SUGCT: variants seen among roughly 807,000 people sequenced by gnomAD.
The protein encoded by SUGCT is succinyl-CoA:glutarate-CoA transferase.
In SUGCT, 41 loss-of-function variants were observed where a neutral mutation model predicts 55.0. The ratio of observed to expected loss-of-function variants is 0.74; its 90% CI spans 0.58 to 0.97. The LOEUF (loss-of-function observed/expected upper bound fraction) is 0.97. SUGCT is among the 50% of genes least tolerant of loss of function. The pLI is 0.00. For synonymous variants in SUGCT, 187 were observed against 200.4 expected (o/e 0.93, Z 0.56); for missense variants, 568 against 547.8 (o/e 1.04, Z -0.37).
intron 13 of SUGCT, among the ~76,000 whole-genome samples, chr7:40,769,208 T>G (rs1788962918): frequency 6.6e-6 from 1 of 152,176 alleles, no homozygotes; most frequent in Non-Finnish European, 1.5e-5. Flanking sequence ...GAATTTTATA[T>G]TTAAGTGTAG....
intron 12 of SUGCT, among the ~76,000 whole-genome samples, chr7:40,643,005 T>G (rs1800337878): frequency 6.6e-6 from 1 of 152,118 alleles, no homozygotes. Flanking sequence ...TGGAGGTGAC[T>G]GGAAGCTCCA....
At position 40,181,147 on chromosome 7, in the gene SUGCT, C is replaced by A. The variant is rs1785180085; in HGVS notation, c.152+149C>A. 3 of 676,806 alleles carry A rather than the reference C, an allele frequency of 4.4e-6. No individual in the cohort carries two copies. In the South Asian group the frequency reaches 5.1e-5, roughly 11 times the overall value. The allele number at this position is 676,806 out of a possible 1,614,324, so 41.9% of individuals were successfully genotyped here. On this transcript the variant is annotated intron_variant, in intron 2 of 13. Coordinates refer to ENST00000335693, the MANE Select transcript of SUGCT (RefSeq NM_001193313.2). ...AAAAGAAAAATTGCTGTAATATCAT[C>A]ATTCTATGAGACAATTAGTGTAGTA...
chr7:41,007,789 A>G, the SUGCT span, among the ~76,000 whole-genome samples: 2 of 151,390 alleles, frequency 1.3e-5, no homozygotes, highest in East Asian at 3.9e-4. Flanking sequence ...AGCTTCTATG[A>G]CAATGGAATC....
the SUGCT span, among the ~76,000 whole-genome samples, chr7:40,880,761 A>G: frequency 1.3e-5 from 2 of 152,330 alleles, no homozygotes; most frequent in South Asian, 2.1e-4. Context: ...CCTATGCTGA[A>G]CCAATGTTTC....
At chr7:40,731,398 A>G (rs1024611988) in intron 12 of SUGCT, among the ~76,000 whole-genome samples, 17 of 152,154 alleles carry the variant, frequency 1.1e-4, no homozygotes, top group African/African-American at 4.1e-4. Flanking sequence ...TAAGATCAGG[A>G]TCCTTTGAAA....
intron 9 of SUGCT, among the ~76,000 whole-genome samples, chr7:40,364,531 A>G (rs1353643182): frequency 6.6e-6 from 1 of 152,086 alleles, no homozygotes; most frequent in Non-Finnish European, 1.5e-5. Context: ...ATCTCTCAGC[A>G]TTTGCTTGTC....
At position 40,501,122 on chromosome 7, in the gene SUGCT, T is replaced by C. The variant is rs573965290; in HGVS notation, c.1089+4736T>C. ...TAAAGATCTGATGTAAAATAGTAGG[T>C]CTGGAAATAATTCCTAGCAGGCAAG... On this transcript the variant is annotated intron_variant, in intron 12 of 13. Coordinates refer to ENST00000335693, the MANE Select transcript of SUGCT (RefSeq NM_001193313.2). 1.1e-4 allele frequency among the ~76,000 whole-genome samples: 17 copies of C among 152,288 alleles called. No homozygotes were observed. The South Asian group carries it at 3.1e-3, about 28-fold the overall frequency.
At chr7:40,370,576 GAA>G (rs1491385258) in intron 9 of SUGCT, among the ~76,000 whole-genome samples, 3 of 149,410 alleles carry the variant, frequency 2.0e-5, no homozygotes, top group Non-Finnish European at 4.5e-5. Context: ...GAGAGAGAGA[GAA>G]GAGAGAGAGA....
At chr7:40,878,857 A>C in the SUGCT span, among the ~76,000 whole-genome samples, 1 of 150,670 alleles carries the variant, frequency 6.6e-6, no homozygotes, top group Non-Finnish European at 1.5e-5. Context: ...GCAGTGGCGC[A>C]ATATTGGCTC....
chr7:40,615,835 G>T (rs1798978271), intron 12 of SUGCT, among the ~76,000 whole-genome samples: 1 of 152,134 alleles, frequency 6.6e-6, no homozygotes, highest in Non-Finnish European at 1.5e-5. Flanking sequence ...TCATCCTCCT[G>T]GTTGTGTGTG....
chr7:40,838,326 C>T (rs1793096447), intron 13 of SUGCT, among the ~76,000 whole-genome samples: 1 of 152,200 alleles, frequency 6.6e-6, no homozygotes, highest in Non-Finnish European at 1.5e-5. Flanking sequence ...ATAGGCATTA[C>T]ATCCAACATG....
At chr7:40,906,895 T>C in the SUGCT span, among the ~76,000 whole-genome samples, 1 of 152,164 alleles carries the variant, frequency 6.6e-6, no homozygotes, top group Non-Finnish European at 1.5e-5. Context: ...AACTTAGAGT[T>C]GACAAACCAA....
intron 12 of SUGCT, among the ~76,000 whole-genome samples, chr7:40,533,446 A>G (rs1350237143): frequency 1.3e-5 from 2 of 152,110 alleles, no homozygotes; most frequent in Non-Finnish European, 2.9e-5. Context: ...ATATAAATCC[A>G]AAATCTTGTT....
intron 11 of SUGCT, among the ~76,000 whole-genome samples, chr7:40,466,082 G>A (rs927240411): frequency 3.3e-5 from 5 of 151,970 alleles, no homozygotes; most frequent in African/African-American, 1.2e-4. Flanking sequence ...AAGATAGTTG[G>A]TGGGTGGGGG....
intron 9 of SUGCT, among the ~76,000 whole-genome samples, chr7:40,435,482 G>T (rs1455838441): frequency 6.6e-6 from 1 of 152,122 alleles, no homozygotes; most frequent in Non-Finnish European, 1.5e-5. Context: ...AATTACCTGG[G>T]TTGCTGTGAC....
At chr7:40,859,501 T>C (rs746985220) in intron 13 of SUGCT, among the ~76,000 whole-genome samples, 111 of 152,366 alleles carry the variant, frequency 7.3e-4, no homozygotes, top group Non-Finnish European at 1.3e-3. Flanking sequence ...AGAGGAACTT[T>C]GTGCCCGGCA....
At chr7:40,933,107 A>G in the SUGCT span, among the ~76,000 whole-genome samples, 1 of 151,870 alleles carries the variant, frequency 6.6e-6, no homozygotes, top group Non-Finnish European at 1.5e-5. Flanking sequence ...TTCCTTCAGG[A>G]GCTCTTGTAA....
the SUGCT span, among the ~76,000 whole-genome samples, chr7:40,939,161 G>A: frequency 8.1e-4 from 123 of 152,282 alleles, no homozygotes; most frequent in Non-Finnish European, 1.3e-3. Context: ...AAGGAAAGGA[G>A]GAGCAAGTCC....
the SUGCT span, among the ~76,000 whole-genome samples, chr7:40,926,290 G>A: frequency 6.6e-6 from 1 of 151,914 alleles, no homozygotes; most frequent in Non-Finnish European, 1.5e-5. Flanking sequence ...TAACTCTTGA[G>A]AATTGGGTAA....
Sources: gnomAD v4.1 joint callset for allele counts (sites outside exome capture counted in the v4.1 genomes callset) on GRCh38, gnomAD v4.1.1 for gene constraint, MANE v1.5 for transcripts, NCBI Gene and HGNC (gene_info 2026-07-23, HGNC 2026-07-21) for gene names.